SMARCC1: variants seen among roughly 807,000 people sequenced by gnomAD.
The protein encoded by SMARCC1 is SWI/SNF related BAF chromatin remodeling complex subunit C1.
SMARCC1 carries 43 observed loss-of-function variants against 147.4 expected under a neutral mutation model. The observed-to-expected ratio is 0.29, with a 90% CI of 0.23 to 0.38. The LOEUF (loss-of-function observed/expected upper bound fraction) is 0.38, where lower values mean the gene tolerates loss of function less well. SMARCC1 is among the 10% of genes least tolerant of loss of function. The pLI is 1.00. For synonymous variants in SMARCC1, 495 were observed against 484.4 expected (o/e 1.02, Z -0.29); for missense variants, 1,119 against 1,381.1 (o/e 0.81, Z 3.01).
At chr3:47,728,954 TG>T (rs1186829587) in intron 6 of SMARCC1, 70 bp downstream of exon 6, 4 of 935,066 alleles carry the variant, frequency 4.3e-6, no homozygotes, top group Non-Finnish European at 6.6e-6. Flanking sequence ...TTTAAGTCTT[TG>T]GGGGTATGAC....
At chr3:47,696,051 A>C (rs1158800779) in intron 11 of SMARCC1, among the ~76,000 whole-genome samples, 2 of 116,740 alleles carry the variant, frequency 1.7e-5, no homozygotes, top group Admixed American at 1.9e-4. Flanking sequence ...TGGGTGACTG[A>C]GCAAGACGCT....
intron 19 of SMARCC1, among the ~76,000 whole-genome samples, chr3:47,664,237 A>C (rs922400168): frequency 6.6e-6 from 1 of 152,096 alleles, no homozygotes; most frequent in African/African-American, 2.4e-5. Flanking sequence ...TAGGAGGAAT[A>C]AACATAATAA....
chr3:47,763,697 A>G (rs2034802196), intron 2 of SMARCC1, among the ~76,000 whole-genome samples: 1 of 151,776 alleles, frequency 6.6e-6, no homozygotes, highest in South Asian at 2.1e-4. Flanking sequence ...TGTTTACACT[A>G]TATTTTCACA....
At chr3:47,733,900 T>C (rs1426131320) in intron 5 of SMARCC1, among the ~76,000 whole-genome samples, 1 of 148,464 alleles carries the variant, frequency 6.7e-6, no homozygotes, top group Non-Finnish European at 1.5e-5. Context: ...TACACGTATA[T>C]ATATACACAC....
At chr3:47,694,586 C>T (rs182197678) in intron 11 of SMARCC1, among the ~76,000 whole-genome samples, 268 of 152,248 alleles carry the variant, frequency 1.8e-3, no homozygotes, top group Middle Eastern at 0.01. Context: ...GACAACAGAG[C>T]GAGACTCAGT....
intron 24 of SMARCC1, among the ~76,000 whole-genome samples, chr3:47,631,813 A>G (rs149533276): frequency 9.5e-4 from 144 of 152,376 alleles, no homozygotes; most frequent in African/African-American, 3.3e-3. Flanking sequence ...GACTGGCTAC[A>G]TAAGTTATAT....
intron 6 of SMARCC1, among the ~76,000 whole-genome samples, chr3:47,727,909 G>T (rs1010718383): frequency 6.6e-6 from 1 of 151,622 alleles, no homozygotes; most frequent in African/African-American, 2.4e-5. Context: ...TAAGACATGA[G>T]ATTTCACTAT....
At chr3:47,690,609 A>C (rs537824576) in intron 12 of SMARCC1, among the ~76,000 whole-genome samples, 1 of 152,232 alleles carries the variant, frequency 6.6e-6, no homozygotes, top group Non-Finnish European at 1.5e-5. Context: ...GCAGGAAAGT[A>C]AGACCAGGAC....
intron 5 of SMARCC1, among the ~76,000 whole-genome samples, chr3:47,735,059 ATT>A (rs927207888): frequency 6.7e-6 from 1 of 149,028 alleles, no homozygotes. Flanking sequence ...CCGGCCTTCA[ATT>A]TTTTTTTTTA....
intron 10 of SMARCC1, among the ~76,000 whole-genome samples, chr3:47,702,540 G>A (rs1236626527): frequency 2.0e-5 from 3 of 152,144 alleles, no homozygotes; most frequent in Non-Finnish European, 2.9e-5. Flanking sequence ...AGAATTGCTC[G>A]AGGCCAGGAG....
At chr3:47,716,896 G>A (rs1460941375) in intron 7 of SMARCC1, among the ~76,000 whole-genome samples, 3 of 152,120 alleles carry the variant, frequency 2.0e-5, no homozygotes, top group African/African-American at 7.2e-5. Context: ...AATCACATGA[G>A]CCCAGGAATT....
At chr3:47,645,618 C>T (rs141468456) in intron 21 of SMARCC1, among the ~76,000 whole-genome samples, 189 of 152,270 alleles carry the variant, frequency 1.2e-3, no homozygotes, top group African/African-American at 4.3e-3. Context: ...AGATTAAGCA[C>T]AAATTACTTG....
At chr3:47,646,250 T>G (rs1469788741) in intron 21 of SMARCC1, among the ~76,000 whole-genome samples, 2 of 152,238 alleles carry the variant, frequency 1.3e-5, no homozygotes, top group Non-Finnish European at 2.9e-5. Context: ...AATATTTGTT[T>G]AAATCTCTTA....
At chr3:47,733,539 G>A (rs369685718) in intron 5 of SMARCC1, among the ~76,000 whole-genome samples, 9 of 151,836 alleles carry the variant, frequency 5.9e-5, no homozygotes, top group East Asian at 1.9e-4. Flanking sequence ...TCAGGAATTC[G>A]AGACCAGCCT....
At chr3:47,733,026 G>C (rs2034394052) in intron 5 of SMARCC1, among the ~76,000 whole-genome samples, 1 of 151,938 alleles carries the variant, frequency 6.6e-6, no homozygotes. Flanking sequence ...AGAACTGCTT[G>C]AACCCGGGAG....
chr3:47,720,526 C>G, intron 7 of SMARCC1, 140 bp downstream of exon 7: 2 of 641,300 alleles, frequency 3.1e-6, no homozygotes, highest in Non-Finnish European at 2.7e-6. Flanking sequence ...AGAAAACAGT[C>G]AATAAAAGAC....
rs114063935 is a variant in SMARCC1, at chr3:47,594,406, T to C, written c.3044-3569A>G. ...AGAGCAGCTGCTGGATCTACTCCTATGTGAACACTGCGACTAGGACCAACT... is the reference window on the plus strand; with the variant it reads ...AGAGCAGCTGCTGGATCTACTCCTACGTGAACACTGCGACTAGGACCAACT... On this transcript the variant is annotated intron_variant, in intron 26 of 27. Coordinates refer to ENST00000254480, the MANE Select transcript of SMARCC1 (RefSeq NM_003074.4). 4.0e-3 allele frequency among the ~76,000 whole-genome samples: 603 copies of C among 152,348 alleles called. 5 individuals are homozygous for C. Among genetic ancestry groups the C allele is most frequent in the African/African-American group, 0.013 (547 of 41,576 alleles).
chr3:47,609,184 T>C lies in SMARCC1; in HGVS notation c.3043+882A>G, dbSNP rs183433914. Among the ~76,000 whole-genome samples the C allele has an allele frequency of 3.9e-5, 6 of 152,286 alleles. No homozygotes were observed. In the South Asian group the frequency reaches 6.2e-4, roughly 16 times the overall value. Reference sequence around the variant, plus strand: ...AATTATGATTACTTTTGTTTGATGGTGATGATAGTTATGTAAAGAATAAGA... The same window carrying C: ...AATTATGATTACTTTTGTTTGATGGCGATGATAGTTATGTAAAGAATAAGA... On this transcript the variant is annotated intron_variant, in intron 26 of 27. Transcript: ENST00000254480.
intron 21 of SMARCC1, among the ~76,000 whole-genome samples, chr3:47,652,107 C>T (rs1352397846): frequency 6.6e-6 from 1 of 152,140 alleles, no homozygotes; most frequent in Non-Finnish European, 1.5e-5. Flanking sequence ...GTAGCTAGGA[C>T]TACAGGTTTG....
Sources: gnomAD v4.1 joint callset for allele counts (sites outside exome capture counted in the v4.1 genomes callset) on GRCh38, gnomAD v4.1.1 for gene constraint, MANE v1.5 for transcripts, NCBI Gene and HGNC (gene_info 2026-07-23, HGNC 2026-07-21) for gene names.